PCDH9: variants seen among roughly 807,000 people sequenced by gnomAD.
The protein encoded by PCDH9 is protocadherin-9.
PCDH9 carries 24 observed loss-of-function variants against 70.6 expected under a neutral mutation model. The observed-to-expected ratio is 0.34, with a 90% CI of 0.25 to 0.48. The LOEUF is 0.48. Among genes scored for constraint, PCDH9 ranks in the 20% least tolerant of loss-of-function variants. PCDH9 has a pLI of 0.99. For synonymous variants in PCDH9, 562 were observed against 558.5 expected, an observed-to-expected ratio of 1.01 and a Z score of -0.09; for missense variants, 1,281 against 1,503.6, an observed-to-expected ratio of 0.85 and a Z score of 2.45.
At chr13:66,514,091 C>G (rs960124126) in intron 4 of PCDH9, among the ~76,000 whole-genome samples, 2 of 152,032 alleles carry the variant, frequency 1.3e-5, no homozygotes, top group Non-Finnish European at 2.9e-5. Flanking sequence ...TAGATGCAGA[C>G]TGAATGGAGA....
intron 2 of PCDH9, among the ~76,000 whole-genome samples, chr13:67,155,138 C>G (rs1023475384): frequency 1.3e-5 from 2 of 152,186 alleles, no homozygotes; most frequent in Admixed American, 6.5e-5. Context: ...CAATTTCTCA[C>G]CAATTTGCCC....
chr13:67,040,534 A>T (rs1452114059), intron 2 of PCDH9, among the ~76,000 whole-genome samples: 1 of 152,132 alleles, frequency 6.6e-6, no homozygotes, highest in Admixed American at 6.6e-5. Context: ...TAAAACCTGC[A>T]AGAGGGCCCT....
intron 2 of PCDH9, among the ~76,000 whole-genome samples, chr13:67,124,782 G>T (rs191698851): frequency 1.3e-5 from 2 of 152,074 alleles, no homozygotes; most frequent in Non-Finnish European, 2.9e-5. Flanking sequence ...GAAAACAAAG[G>T]GTTTCTTGTT....
At chr13:66,730,876 GTTT>G (rs758928616) in intron 3 of PCDH9, among the ~76,000 whole-genome samples, 81 of 46,356 alleles carry the variant, frequency 1.7e-3, no homozygotes, top group Middle Eastern at 0.017. Flanking sequence ...GTGTGTGTGT[GTTT>G]TTTTTTTGTT....
chr13:67,037,340 T>C (rs1392062062), intron 2 of PCDH9, among the ~76,000 whole-genome samples: 1 of 152,198 alleles, frequency 6.6e-6, no homozygotes, highest in African/African-American at 2.4e-5. Context: ...CTTACATATA[T>C]ACCCTCAGAG....
rs1048976532 is a variant in PCDH9 at position 66,600,798 on chromosome 13, A to G, written c.3340+30412T>C. Among the ~76,000 whole-genome samples the G allele has an allele frequency of 5.0e-3, 547 of 109,634 alleles. 31 individuals carry two copies. The highest frequency in any genetic ancestry group is 0.017 in the African/African-American group (528 of 31,668). The allele number at this position is 109,634 out of a possible 152,430, so 71.9% of individuals were successfully genotyped here. Reference sequence around the variant, plus strand: ...TGTGTGTGTGTGTGTGTGTGTGTGTAAGGGAGTTAATTTTATATCATGTTA... The same window carrying G: ...TGTGTGTGTGTGTGTGTGTGTGTGTGAGGGAGTTAATTTTATATCATGTTA... On this transcript the variant is annotated intron_variant, in intron 4 of 4. Coordinates refer to ENST00000377865, the MANE Select transcript of PCDH9 (RefSeq NM_203487.3).
intron 2 of PCDH9, among the ~76,000 whole-genome samples, chr13:66,942,606 G>A (rs1388059708): frequency 6.6e-6 from 1 of 151,970 alleles, no homozygotes; most frequent in East Asian, 1.9e-4. Context: ...CGTCATCTCT[G>A]TAAAATACTT....
intron 3 of PCDH9, among the ~76,000 whole-genome samples, chr13:66,843,884 T>C (rs192134029): frequency 6.1e-4 from 93 of 152,300 alleles, no homozygotes; most frequent in African/African-American, 2.0e-3. Context: ...AATGCCCTTT[T>C]GGGGTGATAT....
chr13:67,027,606 G>A (rs1454715675), intron 2 of PCDH9, among the ~76,000 whole-genome samples: 8 of 150,122 alleles, frequency 5.3e-5, no homozygotes, highest in Non-Finnish European at 8.9e-5. Context: ...CACAGCAAAA[G>A]AAACTACCAT....
rs369220823 is a variant in PCDH9, at chr13:66,668,139, A to G, written c.3139-36728T>C. ...GTTTGAATTCCTAGTGGCCTGAGTA[A>G]GGCAGATTCATGTGATCTGAGTAAG... On this transcript the variant is annotated intron_variant, in intron 3 of 4. Coordinates refer to ENST00000377865, the MANE Select transcript of PCDH9 (RefSeq NM_203487.3). Among the ~76,000 whole-genome samples the G allele has an allele frequency of 7.2e-5, 11 of 152,246 alleles. No homozygotes were observed. In the East Asian group the frequency reaches 2.1e-3, roughly 29 times the overall value.
At chr13:66,865,714 T>C (rs1449987561) in intron 3 of PCDH9, among the ~76,000 whole-genome samples, 1 of 152,348 alleles carries the variant, frequency 6.6e-6, no homozygotes, top group Non-Finnish European at 1.5e-5. Context: ...CACTGTCCTA[T>C]GGTAAAGCCT....
intron 2 of PCDH9, among the ~76,000 whole-genome samples, chr13:67,076,215 T>G (rs1371255137): frequency 6.6e-6 from 1 of 152,150 alleles, no homozygotes; most frequent in Non-Finnish European, 1.5e-5. Context: ...CAGTTACAGA[T>G]CTCTTAAAGA....
intron 2 of PCDH9, among the ~76,000 whole-genome samples, chr13:67,139,852 T>C (rs1441894821): frequency 6.6e-6 from 1 of 152,190 alleles, no homozygotes; most frequent in East Asian, 1.9e-4. Flanking sequence ...TGGTCACAAA[T>C]GATAAACAGT....
rs574555631 is a variant in PCDH9, at chr13:66,779,496, T to C, written c.3138+124008A>G. On this transcript the variant is annotated intron_variant, in intron 3 of 4. Transcript: ENST00000377865. ...TAAGCTAGACAGACAAAAAATATAT[T>C]GCACGATCTCACTTATGTGGAATAT... Among the ~76,000 whole-genome samples the C allele has an allele frequency of 3.9e-5, 6 of 152,248 alleles. No homozygotes were observed. The South Asian group carries it at 1.2e-3, about 32-fold the overall frequency.
In PCDH9 at chr13:66,531,550, T is replaced by C. The variant is rs550995934; in HGVS notation, c.3340+99660A>G. On this transcript the variant is annotated intron_variant, in intron 4 of 4. Transcript: ENST00000377865. The stretch of plus-strand genomic sequence containing the variant: ...CCAATTTCATTCACTTGATATTCTT[T>C]ACTATTAAGAATCTAAACTAAAGGA... 2.6e-5 allele frequency among the ~76,000 whole-genome samples: 4 copies of C among 152,212 alleles called. No individual in the cohort carries two copies. In the South Asian group the frequency reaches 6.3e-4, roughly 24 times the overall value.
At chr13:67,172,591 G>A (rs1444864487) in intron 2 of PCDH9, among the ~76,000 whole-genome samples, 2 of 152,016 alleles carry the variant, frequency 1.3e-5, no homozygotes, top group African/African-American at 4.8e-5. Flanking sequence ...AGAATGGATG[G>A]TTTTGGCCGG....
chr13:67,061,762 G>T (rs1208230863), intron 2 of PCDH9, among the ~76,000 whole-genome samples: 2 of 152,014 alleles, frequency 1.3e-5, no homozygotes, highest in Non-Finnish European at 2.9e-5. Context: ...TACAGATAAA[G>T]AAAAACAACC....
intron 4 of PCDH9, chr13:66,630,850 A>T (rs1359590689): frequency 6.2e-6 from 1 of 162,454 alleles, no homozygotes; most frequent in Non-Finnish European, 1.3e-5. Flanking sequence ...ATGCAAATAG[A>T]TTTCTTTTTT....
chr13:66,558,599 T>G (rs970843534), intron 4 of PCDH9, among the ~76,000 whole-genome samples: 1 of 151,984 alleles, frequency 6.6e-6, no homozygotes, highest in Non-Finnish European at 1.5e-5. Flanking sequence ...AAACCTTTCC[T>G]TCCTCTCTGA....
Sources: allele counts gnomAD v4.1 joint callset (sites outside exome capture counted in the v4.1 genomes callset), GRCh38; gene constraint gnomAD v4.1.1; transcripts MANE v1.5; gene names NCBI Gene and HGNC (gene_info 2026-07-23, HGNC 2026-07-21).